Variants in LRRTM4 observed in about 807,000 individuals in gnomAD.
LRRTM4 encodes the protein leucine rich repeat transmembrane neuronal 4.
Under a neutral mutation model 47.6 loss-of-function variants are expected in LRRTM4, and 25 were observed. The ratio of observed to expected loss-of-function variants is 0.53; its 90% CI spans 0.38 to 0.73. The LOEUF (loss-of-function observed/expected upper bound fraction) is 0.73. LRRTM4 is among the 30% of genes least tolerant of loss of function. The pLI, the probability that LRRTM4 is intolerant of heterozygous loss-of-function variation, is 0.00. For missense variants in LRRTM4, 638 were observed against 713.4 expected, an observed-to-expected ratio of 0.89 and a Z score of 1.20; for synonymous variants, 311 against 269.5, an observed-to-expected ratio of 1.15 and a Z score of -1.51.
chr2:77,141,641 A>G (rs980312566), intron 3 of LRRTM4, among the ~76,000 whole-genome samples: 5 of 152,186 alleles, frequency 3.3e-5, no homozygotes, highest in African/African-American at 1.2e-4. Flanking sequence ...TAACTCTATC[A>G]TTCCAAACTA....
intron 3 of LRRTM4, among the ~76,000 whole-genome samples, chr2:76,922,473 C>T (rs1674463065): frequency 6.6e-6 from 1 of 152,024 alleles, no homozygotes; most frequent in African/African-American, 2.4e-5. Context: ...ATTCAATCAT[C>T]CCCCCACCAG....
intron 3 of LRRTM4, among the ~76,000 whole-genome samples, chr2:77,411,021 C>A (rs965741936): frequency 6.6e-6 from 1 of 152,092 alleles, no homozygotes; most frequent in Admixed American, 6.5e-5. Flanking sequence ...TATAATCTAC[C>A]TGGAACAATA....
chr2:77,157,620 TAA>T (rs1479430160), intron 3 of LRRTM4, among the ~76,000 whole-genome samples: 1 of 152,106 alleles, frequency 6.6e-6, no homozygotes, highest in Non-Finnish European at 1.5e-5. Flanking sequence ...GAGAAAGGAG[TAA>T]CATTCTGCAC....
At chr2:77,016,602 T>C (rs1420203560) in intron 3 of LRRTM4, among the ~76,000 whole-genome samples, 1 of 152,002 alleles carries the variant, frequency 6.6e-6, no homozygotes, top group Non-Finnish European at 1.5e-5. Flanking sequence ...GAATTGCCTC[T>C]CTCTTCTCAC....
intron 3 of LRRTM4, among the ~76,000 whole-genome samples, chr2:77,039,221 T>C (rs138861865): frequency 3.3e-5 from 5 of 151,262 alleles, no homozygotes; most frequent in Non-Finnish European, 7.4e-5. Context: ...GATGAAAAAG[T>C]AGGGGCAGCT....
chr2:77,271,818 G>C (rs1253971357), intron 3 of LRRTM4, among the ~76,000 whole-genome samples: 2 of 152,140 alleles, frequency 1.3e-5, no homozygotes, highest in Non-Finnish European at 2.9e-5. Flanking sequence ...TGATCCAATA[G>C]CAGATTTCTT....
At chr2:77,369,420 G>T (rs774300910) in intron 3 of LRRTM4, among the ~76,000 whole-genome samples, 2 of 151,512 alleles carry the variant, frequency 1.3e-5, no homozygotes, top group Admixed American at 6.6e-5. Flanking sequence ...GTAGGTCAAA[G>T]AATACAAAGT....
intron 3 of LRRTM4, among the ~76,000 whole-genome samples, chr2:77,058,090 T>C (rs926685871): frequency 2.0e-5 from 3 of 152,202 alleles, no homozygotes; most frequent in Non-Finnish European, 4.4e-5. Context: ...GAACATTTCA[T>C]GGTAATGTCT....
intron 3 of LRRTM4, among the ~76,000 whole-genome samples, chr2:77,085,787 G>A (rs72929360): frequency 0.02 from 3,085 of 152,120 alleles, 119 homozygotes; most frequent in African/African-American, 0.07. Flanking sequence ...GCTTAATATG[G>A]CTTCTTATCA....
At chr2:77,117,787 C>T (rs1324696299) in intron 3 of LRRTM4, among the ~76,000 whole-genome samples, 1 of 151,826 alleles carries the variant, frequency 6.6e-6, no homozygotes, top group Non-Finnish European at 1.5e-5. Flanking sequence ...TTCATTTACT[C>T]AGACATCCTA....
chr2:76,881,532 T>C (rs2104107343), intron 3 of LRRTM4, among the ~76,000 whole-genome samples: 1 of 152,116 alleles, frequency 6.6e-6, no homozygotes, highest in East Asian at 1.9e-4. Flanking sequence ...TTTCCAGTTT[T>C]TCCTCACAGA....
chr2:77,049,958 T>C (rs1360378134), intron 3 of LRRTM4, among the ~76,000 whole-genome samples: 1 of 152,066 alleles, frequency 6.6e-6, no homozygotes, highest in Non-Finnish European at 1.5e-5. Flanking sequence ...AGCAGTGAAA[T>C]GACCAAAGTT....
Position 76,992,847 on chromosome 2 carries a change from TG to T in LRRTM4, c.1552-243932del, listed in dbSNP as rs1558783800. Among the ~76,000 whole-genome samples, 15 of 145,396 alleles carry T rather than the reference TG, an allele frequency of 1.0e-4. 1 individual carries two copies. The highest frequency in any genetic ancestry group is 3.8e-4 in the African/African-American group (15 of 39,676). On this transcript the variant is annotated intron_variant, in intron 3 of 3. Transcript: ENST00000409884. ...CCTGAGGAAAAAAAAAAAAGCTGGG[TG>T]TATCATATTACTTGACTTCAAATTA...
At chr2:77,127,892 C>A (rs562625446) in intron 3 of LRRTM4, among the ~76,000 whole-genome samples, 2 of 152,220 alleles carry the variant, frequency 1.3e-5, no homozygotes, top group African/African-American at 4.8e-5. Context: ...CGCCTGTAAT[C>A]CCAGCACTTT....
At chr2:77,177,949 T>G (rs1422142053) in intron 3 of LRRTM4, among the ~76,000 whole-genome samples, 1 of 152,196 alleles carries the variant, frequency 6.6e-6, no homozygotes, top group Admixed American at 6.5e-5. Flanking sequence ...GAACTTTTAT[T>G]ACAGTGAGAG....
rs116001440 is a variant in LRRTM4 at position 77,330,185 on chromosome 2, G to C, written c.1551+188133C>G. 6.0e-3 allele frequency among the ~76,000 whole-genome samples: 907 copies of C among 152,088 alleles called. 8 individuals are homozygous for C. Among genetic ancestry groups the C allele is most frequent in the African/African-American group, 0.021 (870 of 41,462 alleles). On this transcript the variant is annotated intron_variant, in intron 3 of 3. Coordinates refer to ENST00000409884, the MANE Select transcript of LRRTM4 (RefSeq NM_001134745.3). ...AATGTCACTTGAAGAGGAGTAATCT[G>C]GGGGGGCAGGACTGTAGGTGGGGAG...
At chr2:77,027,488 A>C (rs1678495265) in intron 3 of LRRTM4, among the ~76,000 whole-genome samples, 1 of 152,204 alleles carries the variant, frequency 6.6e-6, no homozygotes, top group African/African-American at 2.4e-5. Context: ...TGGCAGCAAT[A>C]GAATGAGTGA....
At chr2:77,520,301 T>C (rs950164967) in intron 2 of LRRTM4, among the ~76,000 whole-genome samples, 1 of 152,042 alleles carries the variant, frequency 6.6e-6, no homozygotes, top group African/African-American at 2.4e-5. Flanking sequence ...GTTTCCCAGT[T>C]GAGCAAACAG....
At chr2:77,342,576 C>T (rs1474714115) in intron 3 of LRRTM4, among the ~76,000 whole-genome samples, 1 of 151,812 alleles carries the variant, frequency 6.6e-6, no homozygotes, top group Non-Finnish European at 1.5e-5. Flanking sequence ...ACAGATTCTT[C>T]ATGGGAAAAT....
Sources: gnomAD v4.1 joint callset for allele counts (sites outside exome capture counted in the v4.1 genomes callset) on GRCh38, gnomAD v4.1.1 for gene constraint, MANE v1.5 for transcripts, NCBI Gene and HGNC (gene_info 2026-07-23, HGNC 2026-07-21) for gene names.